The following IPO11 variants were observed in gnomAD, a reference collection of about 807,000 sequenced individuals.
The protein encoded by IPO11 is importin-11.
In IPO11, 66 loss-of-function variants were observed where a neutral mutation model predicts 143.2. The observed-to-expected ratio is 0.46, with a 90% CI of 0.38 to 0.57. IPO11 has a LOEUF of 0.57. Among genes scored for constraint, IPO11 ranks in the 20% least tolerant of loss-of-function variants. The probability of loss-of-function intolerance (pLI) is 0.00; values close to 1 mark genes in which losing one functional copy is unlikely to be tolerated. For missense variants in IPO11, 1,026 were observed against 1,141.0 expected (o/e 0.90, Z 1.45); for synonymous variants, 385 against 377.8 (o/e 1.02, Z -0.22).
intron 1 of IPO11, chr5:62,419,098 C>T: frequency 6.4e-7 from 1 of 1,550,620 alleles, no homozygotes; most frequent in Non-Finnish European, 8.7e-7. Flanking sequence ...TGTTACTGCA[C>T]TGAATACTGT....
intron 5 of IPO11, among the ~76,000 whole-genome samples, chr5:62,466,324 G>A (rs1561322419): frequency 6.6e-6 from 1 of 152,108 alleles, no homozygotes; most frequent in Non-Finnish European, 1.5e-5. Context: ...ATAGAAACAT[G>A]ATTTTAACAG....
chr5:62,474,768 C>T (rs1048731111), intron 8 of IPO11, among the ~76,000 whole-genome samples: 2 of 152,106 alleles, frequency 1.3e-5, no homozygotes, highest in Admixed American at 6.5e-5. Flanking sequence ...AGACCTACAG[C>T]GGATGCCTGA....
chr5:62,544,115 C>T (rs1266443852), intron 24 of IPO11, among the ~76,000 whole-genome samples: 2 of 152,056 alleles, frequency 1.3e-5, no homozygotes, highest in Non-Finnish European at 2.9e-5. Flanking sequence ...AGGCCAACAT[C>T]ATCCTGATAC....
At chr5:62,452,217 C>A (rs1744958448) in intron 5 of IPO11, among the ~76,000 whole-genome samples, 1 of 151,292 alleles carries the variant, frequency 6.6e-6, no homozygotes, top group African/African-American at 2.5e-5. Flanking sequence ...TGCACTCCAG[C>A]CTGGGCGACA....
chr5:62,417,989 A>ATTAT (rs371980862), intron 1 of IPO11, among the ~76,000 whole-genome samples: 2 of 151,950 alleles, frequency 1.3e-5, no homozygotes, highest in Non-Finnish European at 2.9e-5. Flanking sequence ...CCAACTAGCC[A>ATTAT]TTATTTATTT....
At chr5:62,598,501 TC>T (rs1745348638) in intron 28 of IPO11, among the ~76,000 whole-genome samples, 2 of 6,064 alleles carry the variant, frequency 3.3e-4, no homozygotes, top group African/African-American at 5.4e-3. Context: ...TCTCTTTCTT[TC>T]TTTCTTTCTT....
chr5:62,490,081 AC>A, intron 14 of IPO11, 33 bp from the exon 15 acceptor site: 1 of 1,350,708 alleles, frequency 7.4e-7, no homozygotes, highest in East Asian at 2.5e-5. Context: ...GATATCTGAA[AC>A]CTTTAATTTT....
chr5:62,627,500 C>T lies in IPO11; in HGVS notation c.*182C>T. 2.0e-6 allele frequency: 1 copy of T among 503,936 alleles called. No individual in the cohort carries two copies. Among genetic ancestry groups the T allele is most frequent in the Non-Finnish European group, 3.3e-6 (1 of 300,236 alleles). 31.2% of individuals were successfully genotyped at this position (503,936 alleles called of 1,614,324 possible). The stretch of plus-strand genomic sequence containing the variant: ...ATCCTGCATAACTAAAATCACAAAC[C>T]TATTCCTCAAAAGAATTTAATTTTA... On this transcript the variant is annotated 3_prime_UTR_variant, in exon 30 of 30. Coordinates refer to ENST00000325324, the MANE Select transcript of IPO11 (RefSeq NM_016338.5).
At chr5:62,426,931 G>GTTTTTTTTTTTTT (rs763031944) in intron 1 of IPO11, among the ~76,000 whole-genome samples, 8 of 90,244 alleles carry the variant, frequency 8.9e-5, no homozygotes, top group East Asian at 6.9e-4. Context: ...TTTTCTTTCT[G>GTTTTTTTTTTTTT]TTTTTTTTTT....
intron 19 of IPO11, among the ~76,000 whole-genome samples, chr5:62,511,962 C>T (rs1474266688): frequency 3.3e-5 from 5 of 151,860 alleles, no homozygotes; most frequent in African/African-American, 1.2e-4. Context: ...CAGATGCTTC[C>T]TCCATCTGCC....
chr5:62,480,153 C>T (rs1280770802), intron 9 of IPO11, among the ~76,000 whole-genome samples: 2 of 152,232 alleles, frequency 1.3e-5, no homozygotes, highest in African/African-American at 4.8e-5. Context: ...CAGCTTTCTA[C>T]ATATGGCTAG....
chr5:62,515,438 G>T lies in IPO11; in HGVS notation c.1833G>T (p.Lys611Asn), dbSNP rs560998393. 1 of 1,611,412 alleles carries T rather than the reference G, an allele frequency of 6.2e-7. No homozygotes were observed. Reference sequence around the variant, plus strand: ...TACAATATTTGCCCCTCCTTTGGAAGCAGAGTGAAGAACACAATATGTTGA... The same window carrying T: ...TACAATATTTGCCCCTCCTTTGGAATCAGAGTGAAGAACACAATATGTTGA... ...CLVQYLPLLWKQSEEHNMLRC... is the reference protein window; with the variant it reads ...CLVQYLPLLWNQSEEHNMLRC... Residue 611 changes from lysine (K) to asparagine (N), a missense_variant, in exon 20 of 30, where the codon AAG becomes AAT. By Grantham distance (94) the Lys-to-Asn change is moderately conservative (BLOSUM62 0). This residue lies in a region of IPO11 where 237 missense variants were observed against 288.0 expected (regional missense o/e 0.82). Coordinates refer to ENST00000325324, the MANE Select transcript of IPO11 (RefSeq NM_016338.5).
intron 1 of IPO11, among the ~76,000 whole-genome samples, chr5:62,428,908 C>T (rs186382532): frequency 1.1e-4 from 17 of 152,250 alleles, no homozygotes; most frequent in African/African-American, 3.8e-4. Context: ...CTGAAGCTGT[C>T]CTCCTGCCTA....
intron 29 of IPO11, among the ~76,000 whole-genome samples, chr5:62,617,158 T>C (rs973942733): frequency 2.0e-5 from 3 of 152,212 alleles, no homozygotes; most frequent in African/African-American, 7.2e-5. Context: ...AGGGAGCAGC[T>C]GTGTCCTATA....
chr5:62,542,693 G>T (rs2112333541), intron 24 of IPO11, among the ~76,000 whole-genome samples: 1 of 152,222 alleles, frequency 6.6e-6, no homozygotes, highest in African/African-American at 2.4e-5. Context: ...GTAGAGCAAA[G>T]GATACGCTTT....
intron 29 of IPO11, among the ~76,000 whole-genome samples, chr5:62,613,018 T>C (rs1190315074): frequency 1.3e-5 from 2 of 152,232 alleles, no homozygotes; most frequent in African/African-American, 4.8e-5. Flanking sequence ...TCAGGAGTGG[T>C]TCATGAGTCA....
chr5:62,571,353 C>T (rs1561367711), intron 27 of IPO11, among the ~76,000 whole-genome samples: 1 of 152,132 alleles, frequency 6.6e-6, no homozygotes, highest in Non-Finnish European at 1.5e-5. Context: ...TCTCATATTT[C>T]AAATGGAAGC....
chr5:62,562,323 G>A (rs1243275263), intron 27 of IPO11: 1 of 152,310 alleles, frequency 6.6e-6, no homozygotes, highest in East Asian at 1.9e-4. Context: ...AGATCTTTAT[G>A]TCTTAGGACA....
chr5:62,594,052 T>C (rs920723086), intron 28 of IPO11, among the ~76,000 whole-genome samples: 6 of 152,200 alleles, frequency 3.9e-5, no homozygotes, highest in African/African-American at 9.6e-5. Flanking sequence ...AAGTTAATCT[T>C]TCTGGTTCTG....
Sources: allele counts gnomAD v4.1 joint callset (sites outside exome capture counted in the v4.1 genomes callset), GRCh38; gene constraint gnomAD v4.1.1; regional missense constraint gnomAD v4.1.1; transcripts MANE v1.5; gene names NCBI Gene and HGNC (gene_info 2026-07-23, HGNC 2026-07-21).